MYO18B: variants seen among roughly 807,000 people sequenced by gnomAD.
MYO18B encodes unconventional myosin-XVIIIb.
MYO18B carries 204 observed loss-of-function variants against 273.0 expected under a neutral mutation model. The ratio of observed to expected loss-of-function variants is 0.75; its 90% CI spans 0.67 to 0.84. The LOEUF (loss-of-function observed/expected upper bound fraction) is 0.84, where lower values mean the gene tolerates loss of function less well. Ranked by LOEUF, MYO18B falls within the 40% of genes least tolerant of loss-of-function variation. The pLI is 0.00. For synonymous variants in MYO18B, 1,330 were observed against 1,305.7 expected (o/e 1.02, Z -0.40); for missense variants, 3,212 against 3,287.6 (o/e 0.98, Z 0.56).
chr22:25,744,458 G>A (rs577318635), intron 1 of MYO18B, among the ~76,000 whole-genome samples: 22 of 152,338 alleles, frequency 1.4e-4, no homozygotes, highest in South Asian at 6.2e-4. Flanking sequence ...GTGGCCGGGC[G>A]CGGGGGCTCA....
chr22:25,971,997 G>C (rs938851481), intron 39 of MYO18B, among the ~76,000 whole-genome samples: 10 of 151,938 alleles, frequency 6.6e-5, no homozygotes, highest in Non-Finnish European at 1.0e-4. Context: ...TGTTGGCCAG[G>C]CTGGTCTCGA....
intron 39 of MYO18B, among the ~76,000 whole-genome samples, chr22:25,987,122 G>T (rs2093210436): frequency 6.6e-6 from 1 of 152,150 alleles, no homozygotes; most frequent in African/African-American, 2.4e-5. Flanking sequence ...GGTTTGAGAG[G>T]CAACCTCCAG....
At chr22:26,045,885 G>C in the MYO18B span, among the ~76,000 whole-genome samples, 1 of 152,194 alleles carries the variant, frequency 6.6e-6, no homozygotes, top group African/African-American at 2.4e-5. Flanking sequence ...ATACCACTGG[G>C]CTTCTGTGAG....
At chr22:25,763,188 G>A (rs1280566825) in intron 2 of MYO18B, 43 bp from the exon 3 acceptor site, 2 of 1,610,086 alleles carry the variant, frequency 1.2e-6, no homozygotes, top group Non-Finnish European at 1.7e-6. Context: ...GCTCCTGCTG[G>A]TTGACTCACT....
intron 33 of MYO18B, among the ~76,000 whole-genome samples, chr22:25,916,056 T>C (rs184170728): frequency 6.6e-6 from 1 of 152,326 alleles, no homozygotes; most frequent in African/African-American, 2.4e-5. Context: ...TTCTTTTCCT[T>C]ATTGAGTGAA....
At chr22:25,970,954 G>T (rs1163901641) in intron 39 of MYO18B, among the ~76,000 whole-genome samples, 1 of 152,194 alleles carries the variant, frequency 6.6e-6, no homozygotes. Flanking sequence ...ATGATTTTCG[G>T]TTTTTGCTTC....
At chr22:25,995,716 C>G (rs1322731429) in intron 40 of MYO18B, among the ~76,000 whole-genome samples, 1 of 152,172 alleles carries the variant, frequency 6.6e-6, no homozygotes, top group East Asian at 1.9e-4. Context: ...CTGTCACCCT[C>G]ATCCTAATAA....
the MYO18B span, among the ~76,000 whole-genome samples, chr22:26,040,831 A>G: frequency 2.0e-5 from 3 of 152,196 alleles, no homozygotes; most frequent in Non-Finnish European, 4.4e-5. Flanking sequence ...GGACAAGATC[A>G]GAGAGGTGAT....
At chr22:25,862,827 G>T in intron 21 of MYO18B, among the ~76,000 whole-genome samples, 1 of 148,022 alleles carries the variant, frequency 6.8e-6, no homozygotes, top group Non-Finnish European at 1.5e-5. Flanking sequence ...GACCCGCTAG[G>T]ATGCATAGAC....
chr22:25,964,260 T>A (rs1203734331), intron 39 of MYO18B: 2 of 152,264 alleles, frequency 1.3e-5, no homozygotes, highest in Non-Finnish European at 2.9e-5. Context: ...TACAGCTAGA[T>A]CGCCCTCACA....
At chr22:25,946,390 C>T in intron 35 of MYO18B, 140 bp downstream of exon 35, 1 of 564,600 alleles carries the variant, frequency 1.8e-6, no homozygotes, top group South Asian at 2.4e-5. Context: ...CTTGGAGGTA[C>T]AGACATCCAT....
chr22:25,978,564 A>G (rs1372882832), intron 39 of MYO18B, among the ~76,000 whole-genome samples: 3 of 152,198 alleles, frequency 2.0e-5, no homozygotes, highest in Non-Finnish European at 4.4e-5. Flanking sequence ...CAGCAGAGGA[A>G]TGACATGATC....
chr22:25,811,470 G>A (rs1000615166), intron 12 of MYO18B, among the ~76,000 whole-genome samples: 1 of 152,186 alleles, frequency 6.6e-6, no homozygotes, highest in Non-Finnish European at 1.5e-5. Context: ...GACATCGACA[G>A]CGGTGCATTA....
At position 25,952,269 on chromosome 22, in the gene MYO18B, T is replaced by G; in HGVS notation, c.5833-17T>G. On this transcript the variant is annotated splice_polypyrimidine_tract_variant and intron_variant, in intron 37 of 43. Transcript: ENST00000335473. Reference sequence around the variant, plus strand: ...CAGGGACAACAGATGTCCAATAGACTTCTCTCATACTTACAGCTGCAGGTG... The same window carrying G: ...CAGGGACAACAGATGTCCAATAGACGTCTCTCATACTTACAGCTGCAGGTG... 6.2e-7 allele frequency: 1 copy of G among 1,606,160 alleles called. No homozygotes were observed. The highest frequency in any genetic ancestry group is 1.3e-5 in the African/African-American group (1 of 74,946).
At chr22:25,818,206 T>A (rs1381779686) in intron 12 of MYO18B, among the ~76,000 whole-genome samples, 1 of 152,218 alleles carries the variant, frequency 6.6e-6, no homozygotes, top group Non-Finnish European at 1.5e-5. Context: ...CTTCCCCCAA[T>A]GGGGAGTTCC....
intron 17 of MYO18B, among the ~76,000 whole-genome samples, chr22:25,838,325 A>T (rs1375689727): frequency 6.6e-6 from 1 of 151,994 alleles, no homozygotes; most frequent in Non-Finnish European, 1.5e-5. Context: ...CAGCTTCCCA[A>T]GTAGCTGGGA....
intron 40 of MYO18B, among the ~76,000 whole-genome samples, chr22:25,997,791 C>G (rs1321855203): frequency 2.0e-5 from 3 of 152,280 alleles, no homozygotes; most frequent in East Asian, 3.9e-4. Flanking sequence ...CACTTGCTAA[C>G]AGCTCCACGC....
In MYO18B at chr22:25,924,740, C is replaced by T. The variant is rs551158360; in HGVS notation, c.5517+3331C>T. ...CTGATTCACGTTTTAGAGGATTGTACTTCTGCATGGAGATTGGATTGTGGA... is the reference window on the plus strand; with the variant it reads ...CTGATTCACGTTTTAGAGGATTGTATTTCTGCATGGAGATTGGATTGTGGA... On this transcript the variant is annotated intron_variant, in intron 34 of 43. Coordinates refer to ENST00000335473, the MANE Select transcript of MYO18B (RefSeq NM_032608.7). Among the ~76,000 whole-genome samples, 376 of 152,288 alleles carry T rather than the reference C, an allele frequency of 2.5e-3. 2 individuals are homozygous for T. The highest frequency in any genetic ancestry group is 8.5e-3 in the African/African-American group (353 of 41,568).
intron 35 of MYO18B, among the ~76,000 whole-genome samples, 170 bp from the exon 36 acceptor site, chr22:25,947,527 CACACACACACACACA>C (rs1569223300): frequency 5.5e-5 from 8 of 145,584 alleles, no homozygotes; most frequent in African/African-American, 1.9e-4. Flanking sequence ...CACACACACA[CACACACACACACACA>C]CCAAGCTGTT....
Sources: allele counts gnomAD v4.1 joint callset (sites outside exome capture counted in the v4.1 genomes callset), GRCh38; gene constraint gnomAD v4.1.1; transcripts MANE v1.5; gene names NCBI Gene and HGNC (gene_info 2026-07-23, HGNC 2026-07-21).